AVL9: variants seen among roughly 807,000 people sequenced by gnomAD.
The protein encoded by AVL9 is late secretory pathway protein AVL9 homolog.
A neutral mutation model predicts 79.2 loss-of-function variants in AVL9; 49 were observed. The observed-to-expected ratio is 0.62, with a 90% CI of 0.49 to 0.79. AVL9 has a LOEUF of 0.79. AVL9 is among the 30% of genes least tolerant of loss of function. The pLI, the probability that AVL9 is intolerant of heterozygous loss-of-function variation, is 0.00. For missense variants in AVL9, 682 were observed against 776.8 expected (o/e 0.88, Z 1.45); for synonymous variants, 299 against 280.6 (o/e 1.07, Z -0.65).
At chr7:32,575,116 G>A (rs534389561) in intron 12 of AVL9, among the ~76,000 whole-genome samples, 4 of 104,918 alleles carry the variant, frequency 3.8e-5, no homozygotes, top group Non-Finnish European at 8.1e-5. Context: ...TTTGTTTTTT[G>A]AGACAGAGTC....
At position 32,579,549 on chromosome 7, in the gene AVL9, AT is replaced by A. The variant is rs372583301; in HGVS notation, c.1689-668del. Reference sequence around the variant, plus strand: ...TTATATATTATATTATATATTATATATTATATATTATATTATATATTATATT... The same window carrying A: ...TTATATATTATATTATATATTATATATATATATTATATTATATATTATATT... On this transcript the variant is annotated intron_variant, in intron 13 of 15. Coordinates refer to ENST00000318709, the MANE Select transcript of AVL9 (RefSeq NM_015060.3). Among the ~76,000 whole-genome samples the A allele has an allele frequency of 6.3e-3, 25 of 3,964 alleles. 8 individuals carry two copies. The highest frequency in any genetic ancestry group is 0.018 in the African/African-American group (18 of 1,026). The allele number at this position is 3,964 out of a possible 152,430, so 2.6% of individuals were successfully genotyped here.
intron 1 of AVL9, chr7:32,536,135 T>G (rs1392917945): frequency 6.6e-6 from 1 of 152,146 alleles, no homozygotes; most frequent in Admixed American, 6.6e-5. Context: ...GTACTTAACA[T>G]TGGTTTTCGT....
intron 1 of AVL9, among the ~76,000 whole-genome samples, chr7:32,542,764 C>T (rs2128134116): frequency 6.6e-6 from 1 of 152,212 alleles, no homozygotes; most frequent in East Asian, 1.9e-4. Context: ...CTTGGGGCTC[C>T]TTTGTTGGAC....
chr7:32,495,858 G>A, intron 1 of AVL9, 56 bp downstream of exon 1: 3 of 1,132,754 alleles, frequency 2.6e-6, no homozygotes, highest in Non-Finnish European at 2.3e-6. Context: ...CCCTTCCGGG[G>A]CCCCCCTGCC....
At chr7:32,542,251 A>G (rs1168169505) in intron 1 of AVL9, among the ~76,000 whole-genome samples, 1 of 150,156 alleles carries the variant, frequency 6.7e-6, no homozygotes, top group Non-Finnish European at 1.5e-5. Context: ...AGAAATAATC[A>G]CGAATTGGCC....
intron 10 of AVL9, among the ~76,000 whole-genome samples, chr7:32,559,698 C>T (rs1469338830): frequency 6.6e-6 from 1 of 152,114 alleles, no homozygotes; most frequent in East Asian, 1.9e-4. Context: ...AGATATGAGT[C>T]ATATGCACAA....
Position 32,495,821 on chromosome 7 carries a change from C to G in AVL9, c.93+19C>G, listed in dbSNP as rs566157413. 5.6e-6 allele frequency: 7 copies of G among 1,253,440 alleles called. No individual in the cohort carries two copies. The highest frequency in any genetic ancestry group is 7.1e-6 in the Non-Finnish European group (7 of 989,198). 77.6% of individuals were successfully genotyped at this position (1,253,440 alleles called of 1,614,324 possible). A position where few individuals can be genotyped will look rare whatever the true frequency, so the allele number is the denominator to read the frequency against. ...CTGCCAGGTGAGGAAAGGGCCCGCC[C>G]CCGCCCCCAGCCGTTCGGGCGTTCG... On this transcript the variant is annotated intron_variant, in intron 1 of 15. Transcript: ENST00000318709.
At chr7:32,513,907 G>T (rs1787796935) in intron 1 of AVL9, among the ~76,000 whole-genome samples, 2 of 152,198 alleles carry the variant, frequency 1.3e-5, no homozygotes, top group South Asian at 4.1e-4. Context: ...AAGGAAAGGT[G>T]TTGTGCCTGG....
At chr7:32,535,593 G>A (rs1343249954) in intron 1 of AVL9, 1 of 152,184 alleles carries the variant, frequency 6.6e-6, no homozygotes, top group Non-Finnish European at 1.5e-5. Context: ...AAGGTTACGT[G>A]ACTGGTGAAT....
rs756115438 is a variant in AVL9, at chr7:32,580,781, TTTATC to T, written c.1743-13_1743-9del. 2.7e-5 allele frequency: 43 copies of T among 1,597,242 alleles called. No homozygotes were observed. The highest frequency in any genetic ancestry group is 2.5e-4 in the East Asian group (11 of 44,756). On this transcript the variant is annotated splice_polypyrimidine_tract_variant and intron_variant, in intron 14 of 15. Transcript: ENST00000318709. ...TTTTAAAATTGTACCTAACACTTCT[TTTATC>T]TTATCTTTTACCCAGTTCTGTTCAG...
chr7:32,569,248 TAC>T (rs1790716921), intron 10 of AVL9, among the ~76,000 whole-genome samples: 1 of 152,234 alleles, frequency 6.6e-6, no homozygotes. Context: ...TGGCTGTATA[TAC>T]AAGTCATGCC....
chr7:32,537,894 C>T (rs1420680290), intron 1 of AVL9: 1 of 152,192 alleles, frequency 6.6e-6, no homozygotes, highest in African/African-American at 2.4e-5. Context: ...ACAGTACAGG[C>T]AGTCTGCAAT....
intron 12 of AVL9, among the ~76,000 whole-genome samples, chr7:32,573,624 G>A (rs1274823514): frequency 6.6e-6 from 1 of 152,034 alleles, no homozygotes; most frequent in Non-Finnish European, 1.5e-5. Flanking sequence ...TTTGGATTTT[G>A]GTTTTATGGT....
chr7:32,549,683 G>A (rs965554522), intron 4 of AVL9, among the ~76,000 whole-genome samples: 18 of 151,860 alleles, frequency 1.2e-4, no homozygotes, highest in Admixed American at 2.0e-4. Flanking sequence ...GGAAGGCCGA[G>A]GTGGGCGGAT....
At chr7:32,507,587 A>C (rs1436030933) in intron 1 of AVL9, among the ~76,000 whole-genome samples, 2 of 152,028 alleles carry the variant, frequency 1.3e-5, no homozygotes, top group African/African-American at 4.8e-5. Context: ...CTGTGGTTTC[A>C]TTTCTTCTCA....
At chr7:32,542,342 C>G (rs931314613) in intron 1 of AVL9, among the ~76,000 whole-genome samples, 9 of 144,468 alleles carry the variant, frequency 6.2e-5, no homozygotes, top group African/African-American at 2.1e-4. Context: ...GAGTTCGAGA[C>G]TAGCCTGGCC....
At chr7:32,506,828 G>A (rs1357940386) in intron 1 of AVL9, among the ~76,000 whole-genome samples, 5 of 151,804 alleles carry the variant, frequency 3.3e-5, no homozygotes, top group South Asian at 2.1e-4. Context: ...AAACTCTGTC[G>A]GAAAACAGAA....
At chr7:32,579,233 CTTGA>C (rs1211030605) in intron 13 of AVL9, among the ~76,000 whole-genome samples, 6 of 135,216 alleles carry the variant, frequency 4.4e-5, no homozygotes, top group Admixed American at 8.7e-5. Flanking sequence ...GGTTAAGTTG[CTTGA>C]TTTTTTTCCT....
At chr7:32,555,795 G>A (rs1790029901) in intron 8 of AVL9, among the ~76,000 whole-genome samples, 2 of 152,146 alleles carry the variant, frequency 1.3e-5, no homozygotes, top group African/African-American at 4.8e-5. Flanking sequence ...AAAGAATGTT[G>A]GGGAGTCGAC....
Sources: allele counts gnomAD v4.1 joint callset (sites outside exome capture counted in the v4.1 genomes callset), GRCh38; gene constraint gnomAD v4.1.1; transcripts MANE v1.5; gene names NCBI Gene and HGNC (gene_info 2026-07-23, HGNC 2026-07-21).